Variants in NIM1K observed in about 807,000 individuals in gnomAD.
NIM1K encodes serine/threonine-protein kinase NIM1.
NIM1K carries 35 observed loss-of-function variants against 37.1 expected under a neutral mutation model. That is an observed-to-expected ratio of 0.94 (90% CI 0.72 to 1.25). NIM1K has a LOEUF of 1.25. NIM1K is among the 50% of genes most tolerant of loss of function. NIM1K has a pLI of 0.00. For missense variants in NIM1K, 564 were observed against 548.0 expected (o/e 1.03, Z -0.29); for synonymous variants, 234 against 206.6 (o/e 1.13, Z -1.14).
chr5:43,208,559 G>A (rs954754011), intron 1 of NIM1K, among the ~76,000 whole-genome samples: 2 of 151,640 alleles, frequency 1.3e-5, no homozygotes, highest in African/African-American at 2.4e-5. Context: ...CCGAGATCAC[G>A]CCACTGCATT....
chr5:43,279,847 A>C (rs1579618071), intron 3 of NIM1K, 133 bp from the exon 4 acceptor site: 2 of 738,616 alleles, frequency 2.7e-6, no homozygotes, highest in East Asian at 2.7e-5. Flanking sequence ...AGGGTTTGCT[A>C]TCATGACTTA....
chr5:43,228,695 G>A, intron 1 of NIM1K, among the ~76,000 whole-genome samples: 1 of 151,770 alleles, frequency 6.6e-6, no homozygotes, highest in East Asian at 2.0e-4. Flanking sequence ...GCTAGGTGTG[G>A]CAGGGCACAT....
chr5:43,246,878 G>C (rs1579977893), intron 2 of NIM1K, among the ~76,000 whole-genome samples: 1 of 152,164 alleles, frequency 6.6e-6, no homozygotes, highest in East Asian at 1.9e-4. Flanking sequence ...TATCATAAGG[G>C]ACTTACAAGA....
At chr5:43,214,400 C>T (rs1383949041) in intron 1 of NIM1K, among the ~76,000 whole-genome samples, 2 of 152,176 alleles carry the variant, frequency 1.3e-5, no homozygotes. Context: ...CATTTCCCTC[C>T]TTCCTGGCAA....
intron 2 of NIM1K, among the ~76,000 whole-genome samples, chr5:43,275,434 G>A (rs1366819288): frequency 1.3e-5 from 2 of 152,180 alleles, no homozygotes; most frequent in African/African-American, 2.4e-5. Flanking sequence ...AAGGTGAAAT[G>A]GTTGGGTCCC....
At chr5:43,240,991 T>A (rs148813417) in intron 1 of NIM1K, among the ~76,000 whole-genome samples, 1 of 151,966 alleles carries the variant, frequency 6.6e-6, no homozygotes, top group Admixed American at 6.5e-5. Context: ...AGAAGTAGAA[T>A]TGTTGAAGCA....
chr5:43,244,162 C>G (rs1459684727), intron 1 of NIM1K, among the ~76,000 whole-genome samples: 2 of 152,196 alleles, frequency 1.3e-5, no homozygotes, highest in Admixed American at 6.5e-5. Context: ...TATTATTGAG[C>G]AGAGTTGGAA....
At chr5:43,206,499 C>CAAAA (rs11286972) in intron 1 of NIM1K, among the ~76,000 whole-genome samples, 2 of 83,400 alleles carry the variant, frequency 2.4e-5, no homozygotes, top group African/African-American at 5.0e-5. Flanking sequence ...GACCCTGCCT[C>CAAAA]AAAAAAAAAA....
At chr5:43,260,203 T>G (rs1360288896) in intron 2 of NIM1K, among the ~76,000 whole-genome samples, 1 of 152,314 alleles carries the variant, frequency 6.6e-6, no homozygotes, top group Middle Eastern at 3.4e-3. Flanking sequence ...CTTTTCCACT[T>G]TAGATGTCCT....
intron 2 of NIM1K, among the ~76,000 whole-genome samples, chr5:43,256,300 T>C (rs1156701468): frequency 6.6e-6 from 1 of 152,148 alleles, no homozygotes; most frequent in Non-Finnish European, 1.5e-5. Flanking sequence ...AAGGTAGTAG[T>C]GGAATGCTGA....
At chr5:43,266,266 C>G (rs889123190) in intron 2 of NIM1K, among the ~76,000 whole-genome samples, 6 of 152,234 alleles carry the variant, frequency 3.9e-5, no homozygotes, top group African/African-American at 1.4e-4. Flanking sequence ...TGGGGGGCTC[C>G]ACCCAGTTTG....
intron 1 of NIM1K, among the ~76,000 whole-genome samples, chr5:43,224,609 A>G (rs2112234779): frequency 6.6e-6 from 1 of 152,052 alleles, no homozygotes; most frequent in Admixed American, 6.6e-5. Context: ...TAGAGGGTTC[A>G]TTTGGGTCAA....
intron 1 of NIM1K, among the ~76,000 whole-genome samples, chr5:43,197,328 G>A (rs898730509): frequency 6.7e-6 from 1 of 149,126 alleles, no homozygotes. Context: ...TCGGTGGTAG[G>A]GGGGGCGGGC....
At chr5:43,223,670 C>A (rs1752412663) in intron 1 of NIM1K, among the ~76,000 whole-genome samples, 1 of 152,148 alleles carries the variant, frequency 6.6e-6, no homozygotes, top group South Asian at 2.1e-4. Context: ...CTGTTTTCTG[C>A]CTTTGAAAAA....
intron 1 of NIM1K, among the ~76,000 whole-genome samples, chr5:43,214,953 G>T (rs1162569797): frequency 6.6e-6 from 1 of 152,096 alleles, no homozygotes; most frequent in African/African-American, 2.4e-5. Flanking sequence ...CAGAGGTGGG[G>T]GTAGATGTGA....
At chr5:43,277,767 AC>A (rs1228006204) in intron 3 of NIM1K, among the ~76,000 whole-genome samples, 32 of 71,412 alleles carry the variant, frequency 4.5e-4, no homozygotes, top group East Asian at 3.2e-3. Flanking sequence ...TCTCTCCCCC[AC>A]CCCCCCTCTC....
chr5:43,204,707 A>T (rs967790057), intron 1 of NIM1K, among the ~76,000 whole-genome samples: 3 of 148,980 alleles, frequency 2.0e-5, no homozygotes, highest in South Asian at 4.3e-4. Flanking sequence ...TCTGTCTCAA[A>T]AAAAAAAAAA....
intron 1 of NIM1K, among the ~76,000 whole-genome samples, chr5:43,211,519 C>A (rs1272688806): frequency 6.6e-6 from 1 of 152,154 alleles, no homozygotes; most frequent in East Asian, 1.9e-4. Flanking sequence ...TCAGTGAGAC[C>A]TTGCGGTTTC....
intron 1 of NIM1K, chr5:43,225,861 A>G (rs1752450269): frequency 6.6e-6 from 1 of 152,564 alleles, no homozygotes; most frequent in Admixed American, 6.5e-5. Flanking sequence ...GCCTGACAAG[A>G]GAGACAGCCT....
Sources: allele counts gnomAD v4.1 joint callset (sites outside exome capture counted in the v4.1 genomes callset), GRCh38; gene constraint gnomAD v4.1.1; transcripts MANE v1.5; gene names NCBI Gene and HGNC (gene_info 2026-07-23, HGNC 2026-07-21).